Variants in PIAS4 observed in about 807,000 individuals in gnomAD.
The protein encoded by PIAS4 is E3 SUMO-protein ligase PIAS4.
A neutral mutation model predicts 58.0 loss-of-function variants in PIAS4; 7 were observed. The observed-to-expected ratio is 0.12, with a 90% CI of 0.07 to 0.23. The LOEUF (loss-of-function observed/expected upper bound fraction) is 0.23. PIAS4 is among the 10% of genes least tolerant of loss of function. The pLI is 1.00. For missense variants in PIAS4, 550 were observed against 709.5 expected, an observed-to-expected ratio of 0.78 and a Z score of 2.55; for synonymous variants, 364 against 312.4, an observed-to-expected ratio of 1.17 and a Z score of -1.74.
rs746255740 is a variant in PIAS4 at position 4,033,137 on chromosome 19, C to A, written c.945C>A (p.Ile315=). The part of the protein sequence containing the change: ...EKLRLDPDSE[I]ATTGVRVSLI... ...TGCGCCTTGATCCTGACAGCGAGATCGCCACCACCGGTGTGCGGGTGTCCC... is the reference window on the plus strand; with the variant it reads ...TGCGCCTTGATCCTGACAGCGAGATAGCCACCACCGGTGTGCGGGTGTCCC... The change falls in exon 8 of 11, where the codon ATC becomes ATA. Residue 315 remains isoleucine (I), a synonymous_variant. Coordinates refer to ENST00000262971, the MANE Select transcript of PIAS4 (RefSeq NM_015897.4). 3.1e-6 allele frequency: 5 copies of A among 1,611,386 alleles called. No individual in the cohort carries two copies. In the African/African-American group the frequency reaches 4.0e-5, roughly 13 times the overall value.
chr19:4,018,651 C>G (rs1228708099), intron 2 of PIAS4: 5 of 152,268 alleles, frequency 3.3e-5, no homozygotes, highest in African/African-American at 1.2e-4. Flanking sequence ...CCATCTCCCC[C>G]TTGGGGAACT....
intron 2 of PIAS4, among the ~76,000 whole-genome samples, chr19:4,021,395 C>T (rs2040107593): frequency 6.6e-6 from 1 of 152,044 alleles, no homozygotes; most frequent in Non-Finnish European, 1.5e-5. Context: ...GATCCACCTG[C>T]CTCGCCTCCA....
Position 4,028,565 on chromosome 19 carries a change from G to A in PIAS4, c.637G>A (p.Ala213Thr), listed in dbSNP as rs748181758. The change falls in exon 5 of 11, where the codon GCT (alanine) becomes ACT (threonine). Residue 213 changes from alanine to threonine, a missense_variant. By Grantham distance (58) the Ala-to-Thr change is moderately conservative (BLOSUM62 0). Around this residue, in one of 4 missense-constraint regions of PIAS4, gnomAD observed 225 missense variants for 345.8 expected, o/e 0.65. Transcript: ENST00000262971. ...GGAGGACCAGTACCCGCCCAACATC[G>A]CTGTGAAGGTCAACCACAGCTACTG... is the stretch of plus-strand genomic sequence containing the variant. Reference protein sequence around the residue: ...PQEDQYPPNIAVKVNHSYCSV... With the variant: ...PQEDQYPPNITVKVNHSYCSV... 3.1e-6 allele frequency: 5 copies of A among 1,613,002 alleles called. No individual in the cohort carries two copies. Among genetic ancestry groups the A allele is most frequent in the Admixed American group, 3.3e-5 (2 of 59,992 alleles).
Position 4,013,872 on chromosome 19 carries a change from CT to C in PIAS4, c.454+528del, listed in dbSNP as rs1483111420. 6.6e-6 allele frequency among the ~76,000 whole-genome samples: 1 copy of C among 152,104 alleles called. No individual in the cohort carries two copies. The highest frequency in any genetic ancestry group is 6.5e-5 in the Admixed American group (1 of 15,276). The stretch of plus-strand genomic sequence containing the variant: ...CACCTCCAAGCTGGGAGCTGGAGCC[CT>C]TTTTATAACCCAACCTCGGACACGC... On this transcript the variant is annotated intron_variant, in intron 2 of 10. Coordinates refer to ENST00000262971, the MANE Select transcript of PIAS4 (RefSeq NM_015897.4). This position sits in a 1 kb window ranked among gnomAD's most constrained non-coding sequence, Gnocchi z 5.1.
intron 2 of PIAS4, among the ~76,000 whole-genome samples, chr19:4,017,274 T>C (rs1352764732): frequency 1.3e-5 from 2 of 152,146 alleles, no homozygotes; most frequent in Non-Finnish European, 2.9e-5. Context: ...CATGTCCCGC[T>C]AGTCCTTCTC....
At chr19:4,033,363 C>T (rs991132802) in intron 8 of PIAS4, 57 bp from the exon 9 acceptor site, 16 of 1,495,690 alleles carry the variant, frequency 1.1e-5, no homozygotes, top group Admixed American at 2.0e-5. Context: ...GTGAGGGGCA[C>T]CGGGCAGGCG....
At chr19:4,009,887 C>T (rs887363991) in intron 1 of PIAS4, among the ~76,000 whole-genome samples, 1 of 152,148 alleles carries the variant, frequency 6.6e-6, no homozygotes, top group African/African-American at 2.4e-5. Context: ...GCAGGGGTGT[C>T]TGTGAGCTCC....
intron 7 of PIAS4, among the ~76,000 whole-genome samples, chr19:4,031,975 G>A (rs1355053007): frequency 3.9e-5 from 6 of 152,180 alleles, no homozygotes; most frequent in African/African-American, 9.6e-5. Context: ...AGGAGTGAGC[G>A]GCTGGGGCAG....
At chr19:4,029,271 G>A (rs372907541) in intron 7 of PIAS4, among the ~76,000 whole-genome samples, 13 of 152,176 alleles carry the variant, frequency 8.5e-5, no homozygotes, top group African/African-American at 2.2e-4. Flanking sequence ...GTCACACCTC[G>A]TGTTGCTGGC....
At chr19:4,022,210 T>C (rs1239050987) in intron 2 of PIAS4, among the ~76,000 whole-genome samples, 1 of 152,224 alleles carries the variant, frequency 6.6e-6, no homozygotes, top group Non-Finnish European at 1.5e-5. Flanking sequence ...TGGCATAAAG[T>C]TTCACCTTTT....
chr19:4,012,251 G>A (rs1050588096), intron 1 of PIAS4, among the ~76,000 whole-genome samples: 4 of 151,928 alleles, frequency 2.6e-5, no homozygotes. Context: ...AGCAAGAACC[G>A]CCCCTGGCTT....
rs1184546301 is a variant in PIAS4, at chr19:4,017,358, C to T, written c.454+4009C>T. The stretch of plus-strand genomic sequence containing the variant: ...CCGCTGGCTGCAGCCTCCTGCTCTG[C>T]TTCCTGCCCACTGGTCCCCCTCCCA... On this transcript the variant is annotated intron_variant, in intron 2 of 10. Coordinates refer to ENST00000262971, the MANE Select transcript of PIAS4 (RefSeq NM_015897.4). Among the ~76,000 whole-genome samples, 4 of 152,210 alleles carry T rather than the reference C, an allele frequency of 2.6e-5. No individual in the cohort carries two copies. In the East Asian group the frequency reaches 7.7e-4, roughly 29 times the overall value.
At position 4,027,716 on chromosome 19, in the gene PIAS4, C is replaced by T. The variant is rs571787683; in HGVS notation, c.540-430C>T. 3.3e-5 allele frequency among the ~76,000 whole-genome samples: 5 copies of T among 152,040 alleles called. No individual in the cohort carries two copies. In the East Asian group the frequency reaches 7.7e-4, roughly 24 times the overall value. On this transcript the variant is annotated intron_variant, in intron 3 of 10. Transcript: ENST00000262971. ...CTGGGACCACAGGTGTGCACCACCA[C>T]GCCTGGGTAATTTTTTGTGGAGACA...
Position 4,037,185 on chromosome 19 carries a change from A to G in PIAS4, c.1143-189A>G, listed in dbSNP as rs928485007. ...TGCACTGCAGACCTGCCTGGGGCTC[A>G]GCACCTGCAGGGGCCTGAGGGCGGG... On this transcript the variant is annotated intron_variant, in intron 9 of 10. Coordinates refer to ENST00000262971, the MANE Select transcript of PIAS4 (RefSeq NM_015897.4). The surrounding 1 kb of genome is among the most constrained non-coding windows in gnomAD (Gnocchi z 5.8). Among the ~76,000 whole-genome samples the G allele has an allele frequency of 1.3e-5, 2 of 152,188 alleles. No individual in the cohort carries two copies. The highest frequency in any genetic ancestry group is 2.9e-5 in the Non-Finnish European group (2 of 68,010).
intron 7 of PIAS4, among the ~76,000 whole-genome samples, chr19:4,029,511 C>G (rs2040202017): frequency 6.6e-6 from 1 of 152,122 alleles, no homozygotes; most frequent in Non-Finnish European, 1.5e-5. Flanking sequence ...GGCGGTCTGA[C>G]CTCACGTTGG....
rs2144907998 is a variant in PIAS4 at position 4,013,462 on chromosome 19, G to A, written c.454+113G>A. 2 of 967,260 alleles carry A rather than the reference G, an allele frequency of 2.1e-6. No individual in the cohort carries two copies. The highest frequency in any genetic ancestry group is 3.2e-5 in the South Asian group (2 of 63,220). 59.9% of individuals were successfully genotyped at this position (967,260 alleles called of 1,614,324 possible). A position where few individuals can be genotyped will look rare whatever the true frequency, so the allele number is the denominator to read the frequency against. ...GTGATGTTCTCTGTGGCGCAGCCAG[G>A]GCGGGGAGCCACAGTGGCCAGGGGT... On this transcript the variant is annotated intron_variant, in intron 2 of 10. Coordinates refer to ENST00000262971, the MANE Select transcript of PIAS4 (RefSeq NM_015897.4). This position sits in a 1 kb window ranked among gnomAD's most constrained non-coding sequence, Gnocchi z 5.1.
At position 4,038,145 on chromosome 19, in the gene PIAS4, C is replaced by T. The variant is rs1004138341; in HGVS notation, c.*270C>T. ...AAACAAGGCCGGCCACCCACACAGCCGCCTCCCCGGCTGGAGTCCGAGCCG... is the reference window on the plus strand; with the variant it reads ...AAACAAGGCCGGCCACCCACACAGCTGCCTCCCCGGCTGGAGTCCGAGCCG... On this transcript the variant is annotated 3_prime_UTR_variant, in exon 11 of 11. Coordinates refer to ENST00000262971, the MANE Select transcript of PIAS4 (RefSeq NM_015897.4). This position sits in a 1 kb window ranked among gnomAD's most constrained non-coding sequence, Gnocchi z 4.1. The T allele has an allele frequency of 2.2e-5, 9 of 405,964 alleles. No individual in the cohort carries two copies. Among genetic ancestry groups the T allele is most frequent in the African/African-American group, 6.5e-5 (3 of 46,462 alleles). 25.1% of individuals were successfully genotyped at this position (405,964 alleles called of 1,614,324 possible).
At position 4,013,461 on chromosome 19, in the gene PIAS4, G is replaced by A; in HGVS notation, c.454+112G>A. On this transcript the variant is annotated intron_variant, in intron 2 of 10. Coordinates refer to ENST00000262971, the MANE Select transcript of PIAS4 (RefSeq NM_015897.4). This position sits in a 1 kb window ranked among gnomAD's most constrained non-coding sequence, Gnocchi z 5.1. ...AGTGATGTTCTCTGTGGCGCAGCCA[G>A]GGCGGGGAGCCACAGTGGCCAGGGG... The A allele has an allele frequency of 2.0e-6, 2 of 989,210 alleles. No homozygotes were observed. Among genetic ancestry groups the A allele is most frequent in the Non-Finnish European group, 3.0e-6 (2 of 673,020 alleles). 61.3% of individuals were successfully genotyped at this position (989,210 alleles called of 1,614,324 possible).
At chr19:4,014,067 G>A (rs8113562) in intron 2 of PIAS4, among the ~76,000 whole-genome samples, 23,395 of 152,104 alleles carry the variant, frequency 0.15, 2,473 homozygotes, top group African/African-American at 0.3. Flanking sequence ...TCCTTCCCCC[G>A]GGCTCTGGTT....
Sources: allele counts gnomAD v4.1 joint callset (sites outside exome capture counted in the v4.1 genomes callset), GRCh38; gene constraint gnomAD v4.1.1; regional missense constraint gnomAD v4.1.1; non-coding constraint Gnocchi (gnomAD v3.1); transcripts MANE v1.5; gene names NCBI Gene and HGNC (gene_info 2026-07-23, HGNC 2026-07-21).